GIGYF2: variants seen among roughly 807,000 people sequenced by gnomAD.
GIGYF2 encodes the protein GRB10 interacting GYF protein 2.
In GIGYF2, 25 loss-of-function variants were observed where a neutral mutation model predicts 208.1. The observed-to-expected ratio is 0.12, with a 90% CI of 0.09 to 0.17. The LOEUF is 0.17. GIGYF2 is among the 10% of genes least tolerant of loss of function. The probability of loss-of-function intolerance (pLI) is 1.00; values close to 1 mark genes in which losing one functional copy is unlikely to be tolerated. For synonymous variants in GIGYF2, 534 were observed against 543.8 expected, an observed-to-expected ratio of 0.98 and a Z score of 0.25; for missense variants, 1,302 against 1,579.4, an observed-to-expected ratio of 0.82 and a Z score of 2.98.
intron 22 of GIGYF2, 86 bp from the exon 23 acceptor site, chr2:232,839,763 G>T: frequency 7.6e-7 from 1 of 1,324,370 alleles, no homozygotes; most frequent in East Asian, 2.3e-5. Context: ...AAATGCATTT[G>T]TTCTGGGTAT....
intron 8 of GIGYF2, among the ~76,000 whole-genome samples, chr2:232,780,076 T>G (rs1313601112): frequency 6.6e-6 from 1 of 152,196 alleles, no homozygotes; most frequent in African/African-American, 2.4e-5. Context: ...TTGTGGAGAT[T>G]GGGCACTTGT....
intron 8 of GIGYF2, chr2:232,776,592 T>C (rs1260551112): frequency 5.7e-6 from 4 of 706,784 alleles, no homozygotes; most frequent in Non-Finnish European, 1.0e-5. Context: ...TTCCTCTGTT[T>C]ATAATGTTGT....
At chr2:232,819,228 G>T (rs534561562) in intron 20 of GIGYF2, among the ~76,000 whole-genome samples, 1 of 152,260 alleles carries the variant, frequency 6.6e-6, no homozygotes, top group East Asian at 1.9e-4. Flanking sequence ...GCATATAGAG[G>T]CTCTAAGGAT....
intron 14 of GIGYF2, among the ~76,000 whole-genome samples, chr2:232,797,554 A>G (rs1228969215): frequency 1.3e-5 from 2 of 151,716 alleles, no homozygotes; most frequent in African/African-American, 4.9e-5. Flanking sequence ...TGGGATAATC[A>G]TAGCTATATA....
chr2:232,827,586 T>G (rs1701289285), intron 21 of GIGYF2, among the ~76,000 whole-genome samples: 1 of 152,212 alleles, frequency 6.6e-6, no homozygotes, highest in Non-Finnish European at 1.5e-5. Context: ...ATAGTCCTCA[T>G]TTTATTCTGC....
At chr2:232,715,702 T>G (rs1203094641) in intron 2 of GIGYF2, among the ~76,000 whole-genome samples, 1 of 152,192 alleles carries the variant, frequency 6.6e-6, no homozygotes, top group Non-Finnish European at 1.5e-5. Flanking sequence ...CAGATCATAT[T>G]TTAAAAGTTA....
rs1690731715 is a variant in GIGYF2, at chr2:232,860,422, A to G, written c.*3562A>G. ...TATACAAATATGTATATAAAAGTAT[A>G]TGTTTTACATTTTCAATATATATAT... On this transcript the variant is annotated 3_prime_UTR_variant, in exon 29 of 29. Transcript: ENST00000373563. 6.7e-6 allele frequency: 1 copy of G among 149,314 alleles called. No homozygotes were observed. The highest frequency in any genetic ancestry group is 1.5e-5 in the Non-Finnish European group (1 of 67,488). 9.2% of individuals were successfully genotyped at this position (149,314 alleles called of 1,614,324 possible). A position where few individuals can be genotyped will look rare whatever the true frequency, so the allele number is the denominator to read the frequency against.
intron 14 of GIGYF2, among the ~76,000 whole-genome samples, chr2:232,798,986 T>G (rs891513987): frequency 3.3e-5 from 5 of 151,024 alleles, no homozygotes; most frequent in Non-Finnish European, 3.0e-5. Flanking sequence ...GGAAATCTGT[T>G]TCTATGAATT....
At chr2:232,776,186 T>A (rs899361371) in intron 8 of GIGYF2, among the ~76,000 whole-genome samples, 2 of 152,178 alleles carry the variant, frequency 1.3e-5, no homozygotes, top group Admixed American at 6.5e-5. Context: ...TATCCTCTAC[T>A]GATATATTGT....
chr2:232,713,137 A>G (rs960723481), intron 2 of GIGYF2, among the ~76,000 whole-genome samples: 5 of 150,382 alleles, frequency 3.3e-5, no homozygotes, highest in Admixed American at 2.0e-4. Flanking sequence ...GTGCAGTGGC[A>G]TGATCTCTGC....
chr2:232,776,336 T>C, intron 8 of GIGYF2: 1 of 765,156 alleles, frequency 1.3e-6, no homozygotes, highest in Non-Finnish European at 2.2e-6. Flanking sequence ...ATAATGTCTT[T>C]GTTTTAAAAA....
At chr2:232,727,594 G>C (rs1697261980) in intron 2 of GIGYF2, among the ~76,000 whole-genome samples, 2 of 152,130 alleles carry the variant, frequency 1.3e-5, no homozygotes, top group Non-Finnish European at 2.9e-5. Context: ...AGTACCTCAG[G>C]GGGAGAAAAC....
chr2:232,737,172 T>C (rs985116615), intron 3 of GIGYF2, among the ~76,000 whole-genome samples: 2 of 152,220 alleles, frequency 1.3e-5, no homozygotes, highest in African/African-American at 4.8e-5. Context: ...GACAGTTTGC[T>C]GGCCCCTGCC....
At chr2:232,754,138 CT>C (rs1698440657) in intron 5 of GIGYF2, among the ~76,000 whole-genome samples, 1 of 150,162 alleles carries the variant, frequency 6.7e-6, no homozygotes, top group African/African-American at 2.5e-5. Context: ...GCACTCCAGC[CT>C]GGATGACAGA....
Position 232,856,906 on chromosome 2 carries a change from G to C in GIGYF2, c.*46G>C. 7.8e-7 allele frequency: 1 copy of C among 1,277,936 alleles called. No individual in the cohort carries two copies. Among genetic ancestry groups the C allele is most frequent in the Non-Finnish European group, 1.1e-6 (1 of 872,480 alleles). 79.2% of individuals were successfully genotyped at this position (1,277,936 alleles called of 1,614,324 possible). On this transcript the variant is annotated 3_prime_UTR_variant, in exon 29 of 29. Coordinates refer to ENST00000373563, the MANE Select transcript of GIGYF2 (RefSeq NM_001103146.3). ...CATCCCTCTCCTGTCTGCCGACTAT[G>C]GAGTCTCCACCTTTGGACACAACAC... is the stretch of plus-strand genomic sequence containing the variant.
intron 3 of GIGYF2, among the ~76,000 whole-genome samples, chr2:232,746,619 CAAA>C (rs762784058): frequency 2.0e-5 from 3 of 152,054 alleles, no homozygotes; most frequent in Non-Finnish European, 4.4e-5. Context: ...TAAAATTAAA[CAAA>C]ATAGTCCCTT....
At chr2:232,840,762 T>G (rs948611853) in intron 23 of GIGYF2, among the ~76,000 whole-genome samples, 1 of 152,042 alleles carries the variant, frequency 6.6e-6, no homozygotes, top group Non-Finnish European at 1.5e-5. Flanking sequence ...ATAATGATGG[T>G]GTGGTGGATT....
chr2:232,731,912 A>G (rs949532332), intron 2 of GIGYF2, among the ~76,000 whole-genome samples: 1 of 151,876 alleles, frequency 6.6e-6, no homozygotes, highest in Non-Finnish European at 1.5e-5. Flanking sequence ...TATTTAGCAA[A>G]TAAGAATGGA....
intron 22 of GIGYF2, among the ~76,000 whole-genome samples, chr2:232,835,651 A>G (rs1467939849): frequency 1.3e-5 from 2 of 151,838 alleles, no homozygotes; most frequent in Admixed American, 6.6e-5. Flanking sequence ...TTGTGACTGG[A>G]TGGATTATTT....
Sources: allele counts gnomAD v4.1 joint callset (sites outside exome capture counted in the v4.1 genomes callset), GRCh38; gene constraint gnomAD v4.1.1; transcripts MANE v1.5; gene names NCBI Gene and HGNC (gene_info 2026-07-23, HGNC 2026-07-21).